SEMA4D: variants seen among roughly 807,000 people sequenced by gnomAD.
The protein encoded by SEMA4D is semaphorin-4D.
A neutral mutation model predicts 74.8 loss-of-function variants in SEMA4D; 22 were observed. The observed-to-expected ratio is 0.29, with a 90% CI of 0.21 to 0.42. The LOEUF (loss-of-function observed/expected upper bound fraction) is 0.42, where lower values mean the gene tolerates loss of function less well. Ranked by LOEUF, SEMA4D falls within the 10% of genes least tolerant of loss-of-function variation. The pLI, the probability that SEMA4D is intolerant of heterozygous loss-of-function variation, is 1.00. For synonymous variants in SEMA4D, 445 were observed against 463.7 expected, an observed-to-expected ratio of 0.96 and a Z score of 0.52; for missense variants, 937 against 1,118.4, an observed-to-expected ratio of 0.84 and a Z score of 2.31.
chr9:89,369,908 TTGGTG>T (rs1165211410), intron 16 of SEMA4D, among the ~76,000 whole-genome samples: 1 of 150,434 alleles, frequency 6.6e-6, no homozygotes, highest in African/African-American at 2.5e-5. Context: ...GTGGATGTGA[TTGGTG>T]TGGTGTGGGT....
In SEMA4D at chr9:89,450,546, C is replaced by T. The variant is rs1412192564; in HGVS notation, c.-244+5342G>A. The T allele has an allele frequency of 1.3e-5, 14 of 1,095,052 alleles. No individual in the cohort carries two copies. The Admixed American group carries it at 1.7e-4, about 13-fold the overall frequency. 67.8% of individuals were successfully genotyped at this position (1,095,052 alleles called of 1,614,324 possible). A position where few individuals can be genotyped will look rare whatever the true frequency, so the allele number is the denominator to read the frequency against. ...TACAGTTCTGCTCCTGCCCAATGGC[C>T]CCATGCAGATAACCAGTGGTCCCTT... On this transcript the variant is annotated intron_variant, in intron 2 of 15. Transcript: ENST00000422704.
intron 2 of SEMA4D, among the ~76,000 whole-genome samples, chr9:89,446,152 G>A (rs1416762201): frequency 1.3e-5 from 2 of 152,066 alleles, no homozygotes; most frequent in East Asian, 3.9e-4. Flanking sequence ...CCGAGGCCCA[G>A]CCCAATTGGC....
chr9:89,490,126 T>C (rs1431108675), intron 1 of SEMA4D, among the ~76,000 whole-genome samples: 2 of 152,080 alleles, frequency 1.3e-5, no homozygotes, highest in Admixed American at 6.5e-5. Context: ...GTTAAGCACC[T>C]TCTCGCATGT....
downstream of SEMA4D, chr9:89,376,599 C>A (rs1588142868): frequency 1.9e-6 from 1 of 529,372 alleles, no homozygotes. Flanking sequence ...TAGCCCTTTA[C>A]AGAAAACACT....
intron 2 of SEMA4D, among the ~76,000 whole-genome samples, chr9:89,416,127 G>A (rs1845652130): frequency 6.6e-6 from 1 of 152,170 alleles, no homozygotes; most frequent in Admixed American, 6.5e-5. Context: ...AAAGCAAGCT[G>A]AAATTTAAAA....
rs1352569984 is a variant in SEMA4D at position 89,386,442 on chromosome 9, A to G, written c.1371T>C (p.Ala457=). ...GCTGGGTCTCCTCGATGATGTGAAC[A>G]GCGTGCTCGAGGCTGATGGCTTTGT... ...ALHKAISLEH[A]VHIIEETQLF... is the part of the protein sequence containing the mutation. Residue 457 remains alanine, a synonymous_variant, in exon 13 of 16, where the codon GCT becomes GCC. Transcript: ENST00000422704. 5 of 1,614,136 alleles carry G rather than the reference A, an allele frequency of 3.1e-6. No individual in the cohort carries two copies. The highest frequency in any genetic ancestry group is 4.2e-6 in the Non-Finnish European group (5 of 1,180,002).
At chr9:89,363,960 C>G in intron 16 of SEMA4D, 1 of 1,614,062 alleles carries the variant, frequency 6.2e-7, no homozygotes. Flanking sequence ...CCTGGGGACA[C>G]AGACCGTTTC....
At chr9:89,476,014 T>A (rs1861648533) in intron 1 of SEMA4D, among the ~76,000 whole-genome samples, 4 of 152,178 alleles carry the variant, frequency 2.6e-5, no homozygotes, top group Admixed American at 2.6e-4. Flanking sequence ...ATGGGGCCAG[T>A]GGTGACCGGA....
downstream of SEMA4D, among the ~76,000 whole-genome samples, chr9:89,374,355 A>T (rs1835505567): frequency 6.6e-6 from 1 of 152,190 alleles, no homozygotes; most frequent in South Asian, 2.1e-4. Context: ...TGGCCATGGG[A>T]GTCATTGACA....
intron 7 of SEMA4D, 90 bp downstream of exon 7, chr9:89,393,472 A>G (rs1840280373): frequency 1.9e-6 from 2 of 1,074,434 alleles, no homozygotes; most frequent in Non-Finnish European, 2.9e-6. Context: ...CAAGGAAGAC[A>G]GCACTTCAGA....
Position 89,450,256 on chromosome 9 carries a change from G to A in SEMA4D, c.-244+5632C>T, listed in dbSNP as rs1164282536. The A allele has an allele frequency of 3.7e-6, 4 of 1,067,916 alleles. No homozygotes were observed. In the East Asian group the frequency reaches 7.1e-5, roughly 19 times the overall value. 66.2% of individuals were successfully genotyped at this position (1,067,916 alleles called of 1,614,324 possible). ...GCTGTGGATGTTCTCATCAGCTCAGGAAAGGGCAAGACCAAGGATGCAGGA... is the reference window on the plus strand; with the variant it reads ...GCTGTGGATGTTCTCATCAGCTCAGAAAAGGGCAAGACCAAGGATGCAGGA... On this transcript the variant is annotated intron_variant, in intron 2 of 15. Coordinates refer to ENST00000422704, the MANE Select transcript of SEMA4D (RefSeq NM_001371194.2).
exon 17 of SEMA4D, chr9:89,363,826 G>T: frequency 6.2e-7 from 1 of 1,614,138 alleles, no homozygotes; most frequent in South Asian, 1.1e-5. Context: ...CGCTTTCCCT[G>T]ATGGCGTCCT....
chr9:89,483,084 A>G (rs1029622227), intron 1 of SEMA4D, among the ~76,000 whole-genome samples: 3 of 152,242 alleles, frequency 2.0e-5, no homozygotes, highest in Non-Finnish European at 2.9e-5. Flanking sequence ...GGTTTCGCCA[A>G]GCTGGCAAAA....
intron 2 of SEMA4D, among the ~76,000 whole-genome samples, chr9:89,452,871 A>G (rs780479292): frequency 5.9e-5 from 9 of 152,182 alleles, no homozygotes; most frequent in Non-Finnish European, 1.0e-4. Context: ...CAGAGAGGAA[A>G]GCTCACATTG....
chr9:89,363,896 C>T, exon 17 of SEMA4D: 2 of 1,614,136 alleles, frequency 1.2e-6, no homozygotes, highest in East Asian at 2.2e-5. Context: ...CACAGGGACA[C>T]AGGTCTCCAG....
chr9:89,405,264 T>A, intron 3 of SEMA4D, 87 bp downstream of exon 3: 1 of 1,161,048 alleles, frequency 8.6e-7, no homozygotes, highest in Non-Finnish European at 1.3e-6. Context: ...GGGGTCCCTG[T>A]CCCGTCCCCA....
chr9:89,419,099 C>T (rs937714974), intron 2 of SEMA4D, among the ~76,000 whole-genome samples: 3 of 151,762 alleles, frequency 2.0e-5, no homozygotes, highest in Admixed American at 2.0e-4. Flanking sequence ...AACATCCGGT[C>T]CCCCCACCCC....
At chr9:89,487,345 A>G (rs1218897542) in intron 1 of SEMA4D, among the ~76,000 whole-genome samples, 1 of 152,084 alleles carries the variant, frequency 6.6e-6, no homozygotes, top group Non-Finnish European at 1.5e-5. Flanking sequence ...ACACCTACTC[A>G]TGATAAAAGC....
At chr9:89,393,517 CCACTGTAATCTT>C in intron 7 of SEMA4D, 33 bp downstream of exon 7, 1 of 1,444,454 alleles carries the variant, frequency 6.9e-7, no homozygotes, top group Non-Finnish European at 9.7e-7. Context: ...AATTAACATG[CCACTGTAATCTT>C]CACGGTGAAG....
Sources: allele counts gnomAD v4.1 joint callset (sites outside exome capture counted in the v4.1 genomes callset), GRCh38; gene constraint gnomAD v4.1.1; transcripts MANE v1.5; gene names NCBI Gene and HGNC (gene_info 2026-07-23, HGNC 2026-07-21).